Variants in TNIK observed in about 807,000 individuals in gnomAD.
TNIK encodes the protein TRAF2 and NCK-interacting protein kinase.
In TNIK, 49 loss-of-function variants were observed where a neutral mutation model predicts 191.3. The observed-to-expected ratio is 0.26, with a 90% CI of 0.20 to 0.32. The LOEUF (loss-of-function observed/expected upper bound fraction) is 0.32, where lower values mean the gene tolerates loss of function less well. TNIK is among the 10% of genes least tolerant of loss of function. The pLI is 1.00. For missense variants in TNIK, 1,155 were observed against 1,702.3 expected (o/e 0.68, Z 5.66); for synonymous variants, 594 against 600.9 (o/e 0.99, Z 0.17).
intron 26 of TNIK, among the ~76,000 whole-genome samples, chr3:171,083,469 T>C (rs1720939300): frequency 6.6e-6 from 1 of 152,190 alleles, no homozygotes; most frequent in Non-Finnish European, 1.5e-5. Context: ...TGTCCTTCCT[T>C]AATCTGTATG....
chr3:171,165,586 C>G (rs1242082066), intron 10 of TNIK, among the ~76,000 whole-genome samples: 1 of 152,144 alleles, frequency 6.6e-6, no homozygotes, highest in African/African-American at 2.4e-5. Context: ...ACTGCAGAGG[C>G]AAAGAAGAAA....
chr3:171,222,702 A>T (rs1371270687), intron 3 of TNIK, among the ~76,000 whole-genome samples: 4 of 152,144 alleles, frequency 2.6e-5, no homozygotes, highest in African/African-American at 9.7e-5. Context: ...GGAGAAGACC[A>T]CTTCCTTACT....
chr3:171,233,620 G>A (rs954380972), intron 2 of TNIK, among the ~76,000 whole-genome samples: 1 of 152,208 alleles, frequency 6.6e-6, no homozygotes, highest in Non-Finnish European at 1.5e-5. Context: ...GAAAGGTGAA[G>A]GATGATGGCC....
intron 1 of TNIK, among the ~76,000 whole-genome samples, chr3:171,423,609 A>G (rs1724112279): frequency 6.6e-6 from 1 of 152,224 alleles, no homozygotes; most frequent in African/African-American, 2.4e-5. Flanking sequence ...TAACCAAAAC[A>G]GCATGGTACT....
intron 2 of TNIK, among the ~76,000 whole-genome samples, chr3:171,357,551 CT>C (rs77632080): frequency 0.028 from 3,500 of 126,888 alleles, 123 homozygotes; most frequent in African/African-American, 0.083. Flanking sequence ...AGCCTCTGTA[CT>C]TTTTTTTTTT....
intron 1 of TNIK, among the ~76,000 whole-genome samples, chr3:171,385,709 A>G (rs761743260): frequency 3.4e-4 from 52 of 152,194 alleles, no homozygotes; most frequent in Middle Eastern, 3.2e-3. Flanking sequence ...TATTATTTTA[A>G]AAGAACACAT....
chr3:171,115,339 G>A lies in TNIK; in HGVS notation c.2121-4462C>T, dbSNP rs140670013. ...AAGCACCAACTTTGTGAAACTTACC[G>A]GACCAGGATTAGGGATGGAGGAGAA... is the stretch of plus-strand genomic sequence containing the variant. On this transcript the variant is annotated intron_variant, in intron 18 of 32. Coordinates refer to ENST00000436636, the MANE Select transcript of TNIK (RefSeq NM_015028.4). 1.5e-3 allele frequency among the ~76,000 whole-genome samples: 236 copies of A among 152,268 alleles called. No individual in the cohort carries two copies. The Middle Eastern group carries it at 0.034, about 22-fold the overall frequency.
rs191817474 is a variant in TNIK at position 171,199,280 on chromosome 3, C to T, written c.307-4645G>A. On this transcript the variant is annotated intron_variant, in intron 4 of 32. Transcript: ENST00000436636. ...GCCACACAGCAATGCTGATAATTACCGCCACCACACAGCAGGGATCCTCCC... is the reference window on the plus strand; with the variant it reads ...GCCACACAGCAATGCTGATAATTACTGCCACCACACAGCAGGGATCCTCCC... 3.3e-5 allele frequency among the ~76,000 whole-genome samples: 5 copies of T among 151,988 alleles called. 1 individual carries two copies. Among genetic ancestry groups the T allele is most frequent in the Admixed American group, 2.6e-4 (4 of 15,240 alleles).
In TNIK at chr3:171,101,484, A is replaced by G; in HGVS notation, c.2556T>C (p.Asp852=). The G allele has an allele frequency of 6.2e-7, 1 of 1,613,272 alleles. No homozygotes were observed. Among genetic ancestry groups the G allele is most frequent in the Middle Eastern group, 1.7e-4 (1 of 6,046 alleles). Residue 852 remains aspartate (D), a synonymous_variant, in exon 22 of 33, where the codon GAT becomes GAC. Transcript: ENST00000436636. ...EEEDGESETH[D]GTVAVSDIPR... is the part of the protein sequence containing the mutation. ...GTATGTCGCTGACAGCCACTGTCCCATCATGGGTCTCGCTCTCTCCATCTT... is the reference window on the plus strand; with the variant it reads ...GTATGTCGCTGACAGCCACTGTCCCGTCATGGGTCTCGCTCTCTCCATCTT...
chr3:171,320,449 G>T (rs1034576912), intron 2 of TNIK, among the ~76,000 whole-genome samples: 1 of 152,166 alleles, frequency 6.6e-6, no homozygotes, highest in Non-Finnish European at 1.5e-5. Flanking sequence ...ATTTGCTCAG[G>T]TTGAAAATAT....
chr3:171,060,953 G>A lies in TNIK; in HGVS notation c.*2928C>T, dbSNP rs954872554. 9.9e-5 allele frequency among the ~76,000 whole-genome samples: 15 copies of A among 151,888 alleles called. No individual in the cohort carries two copies. Among genetic ancestry groups the A allele is most frequent in the African/African-American group, 2.9e-4 (12 of 41,348 alleles). The stretch of plus-strand genomic sequence containing the variant: ...CAGTTTCTCCAGTTTCTCTTTGTAG[G>A]AAAATAAAAATAAAATGAGCCAATT... On this transcript the variant is annotated 3_prime_UTR_variant, in exon 33 of 33. Coordinates refer to ENST00000436636, the MANE Select transcript of TNIK (RefSeq NM_015028.4).
intron 4 of TNIK, among the ~76,000 whole-genome samples, chr3:171,210,543 T>C (rs2108908465): frequency 6.6e-6 from 1 of 152,038 alleles, no homozygotes; most frequent in African/African-American, 2.4e-5. Flanking sequence ...CTTTGCAGAG[T>C]CCCTACTTGG....
In TNIK at chr3:171,142,039, G is replaced by A. The variant is rs145305130; in HGVS notation, c.1222-1530C>T. 7.4e-4 allele frequency among the ~76,000 whole-genome samples: 112 copies of A among 152,324 alleles called. 1 individual carries two copies. In the East Asian group the frequency reaches 0.013, roughly 18 times the overall value. ...GAGAAGCCCATGTGGAAACCTTCCC[G>A]ATGGAGCTCCTGCAGCAATCCTCCG... On this transcript the variant is annotated intron_variant, in intron 12 of 32. Coordinates refer to ENST00000436636, the MANE Select transcript of TNIK (RefSeq NM_015028.4).
At chr3:171,397,763 G>A (rs1329864419) in intron 1 of TNIK, among the ~76,000 whole-genome samples, 1 of 152,034 alleles carries the variant, frequency 6.6e-6, no homozygotes, top group Non-Finnish European at 1.5e-5. Context: ...ACACATTCAG[G>A]CAATCCAAAT....
chr3:171,126,245 C>T, intron 16 of TNIK, 94 bp from the exon 17 acceptor site: 2 of 1,365,358 alleles, frequency 1.5e-6, no homozygotes, highest in Non-Finnish European at 9.6e-7. Flanking sequence ...AAAAAAAGTT[C>T]AAGGGCACAA....
chr3:171,443,584 A>C (rs1430354363), intron 1 of TNIK, among the ~76,000 whole-genome samples: 3 of 152,134 alleles, frequency 2.0e-5, no homozygotes, highest in Non-Finnish European at 4.4e-5. Context: ...CTGTAATCCC[A>C]GCACTTTTGG....
At chr3:171,169,477 AGG>A (rs1183541383) in intron 9 of TNIK, among the ~76,000 whole-genome samples, 13 of 152,306 alleles carry the variant, frequency 8.5e-5, no homozygotes, top group African/African-American at 3.1e-4. Context: ...CATGTTGACC[AGG>A]CTGGTCTCAA....
chr3:171,124,367 T>G (rs1009778491), intron 17 of TNIK, among the ~76,000 whole-genome samples: 1 of 152,216 alleles, frequency 6.6e-6, no homozygotes, highest in Non-Finnish European at 1.5e-5. Flanking sequence ...CTGAAAATAC[T>G]GGAAGGATCT....
chr3:171,195,990 G>A (rs1375739673), intron 4 of TNIK, among the ~76,000 whole-genome samples: 1 of 152,204 alleles, frequency 6.6e-6, no homozygotes, highest in Non-Finnish European at 1.5e-5. Context: ...AATAATAGCT[G>A]TAATGTGTAG....
Sources: gnomAD v4.1 joint callset for allele counts (sites outside exome capture counted in the v4.1 genomes callset) on GRCh38, gnomAD v4.1.1 for gene constraint, MANE v1.5 for transcripts, NCBI Gene and HGNC (gene_info 2026-07-23, HGNC 2026-07-21) for gene names.